FGF13: variants seen among roughly 807,000 people sequenced by gnomAD.
The protein encoded by FGF13 is fibroblast growth factor 13.
FGF13 carries 2 observed loss-of-function variants against 19.5 expected under a neutral mutation model. That is an observed-to-expected ratio of 0.10 (90% CI 0.04 to 0.32). The LOEUF (loss-of-function observed/expected upper bound fraction) is 0.32, where lower values mean the gene tolerates loss of function less well. Ranked by LOEUF, FGF13 falls within the 10% of genes least tolerant of loss-of-function variation. The pLI, the probability that FGF13 is intolerant of heterozygous loss-of-function variation, is 1.00. For missense variants in FGF13, 113 were observed against 192.7 expected (o/e 0.59, Z 2.45); for synonymous variants, 72 against 76.9 (o/e 0.94, Z 0.33).
intron 1 of FGF13, among the ~76,000 whole-genome samples, chrX:139,017,352 T>C (rs865875587): frequency 1.2e-4 from 13 of 107,413 alleles, no homozygotes; most frequent in Non-Finnish European, 2.1e-4. Flanking sequence ...TATATATATA[T>C]ACACACACAC....
chrX:139,112,372 G>A (rs1340435477), intron 1 of FGF13, among the ~76,000 whole-genome samples: 1 of 107,925 alleles, frequency 9.3e-6, no homozygotes, highest in African/African-American at 3.6e-5. Context: ...TGCTTTTTTT[G>A]TAATAACAAC....
At chrX:139,142,380 A>G (rs1569457360) in intron 1 of FGF13, among the ~76,000 whole-genome samples, 1 of 112,094 alleles carries the variant, frequency 8.9e-6, no homozygotes, top group East Asian at 2.8e-4. Context: ...GCATCATCAC[A>G]GACAATAAAA....
At chrX:138,707,771 G>A (rs925542433) in intron 2 of FGF13, among the ~76,000 whole-genome samples, 10 of 111,623 alleles carry the variant, frequency 9.0e-5, no homozygotes, top group African/African-American at 3.3e-4. Flanking sequence ...ACTTCCTCTC[G>A]AGGTTATAGA....
At chrX:138,877,941 C>T (rs1437410753) in intron 1 of FGF13, among the ~76,000 whole-genome samples, 1 of 111,170 alleles carries the variant, frequency 9.0e-6, no homozygotes, top group Admixed American at 9.6e-5. Context: ...TGTGTATATA[C>T]ACCTGGGAAT....
At chrX:138,876,337 A>G (rs772088611) in intron 1 of FGF13, among the ~76,000 whole-genome samples, 78 of 112,594 alleles carry the variant, frequency 6.9e-4, no homozygotes, top group Non-Finnish European at 1.1e-3. Context: ...TAGTAAAGGT[A>G]AAGTGATTTT....
chrX:139,069,094 C>G (rs1392102213), intron 1 of FGF13, among the ~76,000 whole-genome samples: 1 of 103,077 alleles, frequency 9.7e-6, no homozygotes, highest in African/African-American at 3.6e-5. Context: ...ACCATTTGAC[C>G]CAGCCATCCC....
At position 138,828,519 on chromosome X, in the gene FGF13, G is replaced by A. The variant is rs1038526987; in HGVS notation, c.217+28993C>T. Among the ~76,000 whole-genome samples, 3 of 104,280 alleles carry A rather than the reference G, an allele frequency of 2.9e-5. No individual in the cohort carries two copies. In the South Asian group the frequency reaches 1.3e-3, roughly 46 times the overall value. 90.6% of individuals were successfully genotyped at this position (104,280 alleles called of 115,157 possible). A position where few individuals can be genotyped will look rare whatever the true frequency, so the allele number is the denominator to read the frequency against. On this transcript the variant is annotated intron_variant, in intron 3 of 6. Coordinates refer to the FGF13 transcript ENST00000436198. The stretch of plus-strand genomic sequence containing the variant: ...CGGGAGGCGGAGCTTGCAGTGAGCC[G>A]AGATCGCGCCACTGCACTCCAGCCT...
At chrX:138,799,767 T>A (rs1399367988) in intron 3 of FGF13, among the ~76,000 whole-genome samples, 1 of 111,822 alleles carries the variant, frequency 8.9e-6, no homozygotes, top group Non-Finnish European at 1.9e-5. Context: ...TGCACCTATA[T>A]TGGGTGCATA....
intron 3 of FGF13, among the ~76,000 whole-genome samples, chrX:138,746,231 A>C (rs748010205): frequency 9.0e-6 from 1 of 110,771 alleles, no homozygotes; most frequent in South Asian, 3.9e-4. Context: ...GAAAGGAATC[A>C]AATGACATTC....
At chrX:139,085,270 A>C (rs746031514) in intron 1 of FGF13, among the ~76,000 whole-genome samples, 1 of 112,217 alleles carries the variant, frequency 8.9e-6, no homozygotes, top group East Asian at 2.8e-4. Context: ...CAAAAGACCA[A>C]AGTAAAATTT....
chrX:138,665,931 A>G (rs2089538705), intron 3 of FGF13, among the ~76,000 whole-genome samples: 2 of 111,487 alleles, frequency 1.8e-5, no homozygotes, highest in Admixed American at 9.6e-5. Context: ...ATTAGGGCTG[A>G]CACAGGGCTG....
chrX:139,111,555 A>T (rs1220538432), intron 1 of FGF13, among the ~76,000 whole-genome samples: 2 of 112,264 alleles, frequency 1.8e-5, no homozygotes, highest in African/African-American at 6.5e-5. Flanking sequence ...TGATTAAAGC[A>T]TATCAATATT....
At chrX:139,158,835 C>G (rs185688025) in intron 1 of FGF13, among the ~76,000 whole-genome samples, 2 of 111,358 alleles carry the variant, frequency 1.8e-5, no homozygotes, top group African/African-American at 6.5e-5. Flanking sequence ...TGTGAAAAGA[C>G]CAAACCTACA....
At chrX:139,171,936 A>G (rs1287322065) in intron 1 of FGF13, among the ~76,000 whole-genome samples, 2 of 112,111 alleles carry the variant, frequency 1.8e-5, no homozygotes, top group Non-Finnish European at 3.8e-5. Flanking sequence ...CCATTCTTCT[A>G]TGATTTTCCT....
rs189361645 is a variant in FGF13 at position 139,003,536 on chromosome X, C to G, written c.-112-138886G>C. ...CTGCTGATTGGTAGAGCTGAGTGGCCTGTTTTAACAGGGCGCTGATTGGTG... is the reference window on the plus strand; with the variant it reads ...CTGCTGATTGGTAGAGCTGAGTGGCGTGTTTTAACAGGGCGCTGATTGGTG... On this transcript the variant is annotated intron_variant, in intron 1 of 2. Coordinates refer to the FGF13 transcript ENST00000421460. Among the ~76,000 whole-genome samples the G allele has an allele frequency of 9.4e-3, 1,046 of 111,621 alleles. 10 individuals carry two copies. The highest frequency in any genetic ancestry group is 0.032 in the African/African-American group (972 of 30,697).
At chrX:139,150,381 C>G (rs12396908) in intron 1 of FGF13, among the ~76,000 whole-genome samples, 11,099 of 111,716 alleles carry the variant, frequency 0.099, 1,075 homozygotes, top group African/African-American at 0.3. Flanking sequence ...TTTAAAAAGA[C>G]ACTACTAAAA....
intron 1 of FGF13, among the ~76,000 whole-genome samples, chrX:139,198,108 T>A (rs965413165): frequency 1.8e-5 from 2 of 110,971 alleles, no homozygotes; most frequent in African/African-American, 6.6e-5. Flanking sequence ...TTCTGTATCT[T>A]GACTTTGGTG....
At chrX:138,717,678 C>T (rs967032975) in intron 1 of FGF13, among the ~76,000 whole-genome samples, 3 of 111,654 alleles carry the variant, frequency 2.7e-5, no homozygotes, top group Non-Finnish European at 5.6e-5. Flanking sequence ...AGTGCAGTGG[C>T]GTGATCAGCT....
intron 3 of FGF13, among the ~76,000 whole-genome samples, chrX:138,819,875 A>C (rs1356152703): frequency 1.8e-5 from 2 of 111,918 alleles, no homozygotes; most frequent in Non-Finnish European, 3.8e-5. Context: ...TTGAAGGTGG[A>C]ATATTGTGAT....
Sources: gnomAD v4.1 joint callset for allele counts (sites outside exome capture counted in the v4.1 genomes callset) on GRCh38, gnomAD v4.1.1 for gene constraint, MANE v1.5 for transcripts, NCBI Gene and HGNC (gene_info 2026-07-23, HGNC 2026-07-21) for gene names.